Variants in TCOF1 observed in about 807,000 individuals in gnomAD.
The protein encoded by TCOF1 is treacle protein.
In TCOF1, 33 loss-of-function variants were observed where a neutral mutation model predicts 149.0. That is an observed-to-expected ratio of 0.22 (90% CI 0.17 to 0.30). The LOEUF (loss-of-function observed/expected upper bound fraction) is 0.30. Among genes scored for constraint, TCOF1 ranks in the 10% least tolerant of loss-of-function variants. The pLI is 1.00. For synonymous variants in TCOF1, 789 were observed against 738.8 expected (o/e 1.07, Z -1.10); for missense variants, 1,728 against 1,840.7 (o/e 0.94, Z 1.12).
chr5:150,387,206 C>T (rs1360963611), intron 17 of TCOF1, among the ~76,000 whole-genome samples: 3 of 152,234 alleles, frequency 2.0e-5, no homozygotes, highest in African/African-American at 4.8e-5. Context: ...GTCAGTGTCC[C>T]TATTTCCCTG....
At chr5:150,359,546 A>G (rs1167886216) in intron 1 of TCOF1, among the ~76,000 whole-genome samples, 2 of 152,148 alleles carry the variant, frequency 1.3e-5, no homozygotes, top group African/African-American at 2.4e-5. Flanking sequence ...CCTGTGGTGT[A>G]GGCTCTGCTC....
At chr5:150,383,773 C>T (rs1440555302) in intron 17 of TCOF1, 1 of 1,551,878 alleles carries the variant, frequency 6.4e-7, no homozygotes, top group Non-Finnish European at 8.7e-7. Flanking sequence ...GAGCTCTGCC[C>T]AGGACCCTCT....
At chr5:150,386,254 A>G (rs1325512691) in intron 17 of TCOF1, among the ~76,000 whole-genome samples, 2 of 152,168 alleles carry the variant, frequency 1.3e-5, no homozygotes, top group African/African-American at 2.4e-5. Context: ...GCTGCTTTTA[A>G]CATCCCAAGA....
chr5:150,375,079 G>C lies in TCOF1; in HGVS notation c.1404G>C (p.Val468=). Residue 468 remains valine (V), a synonymous_variant, in exon 10 of 27, where the codon GTG becomes GTC. Transcript: ENST00000643257. ...KTGPAAAQVQ[V]GKQEEDSRSS... The stretch of plus-strand genomic sequence containing the variant: ...GGCCTGCAGCCGCCCAGGTCCAGGT[G>C]GGGAAGCAGGAGGAGGACTCAAGAA... 2 of 1,614,164 alleles carry C rather than the reference G, an allele frequency of 1.2e-6. No homozygotes were observed.
chr5:150,368,993 G>A, intron 5 of TCOF1, 91 bp downstream of exon 5: 1 of 1,533,494 alleles, frequency 6.5e-7, no homozygotes, highest in Admixed American at 1.7e-5. Context: ...GGACATTTCT[G>A]GAATCAAAAG....
chr5:150,384,425 A>G, intron 17 of TCOF1: 1 of 985,424 alleles, frequency 1.0e-6, no homozygotes, highest in African/African-American at 1.7e-5. Flanking sequence ...CTGGTGTTTG[A>G]GCACAGGCCA....
chr5:150,385,089 C>T, intron 17 of TCOF1: 2 of 984,142 alleles, frequency 2.0e-6, no homozygotes, highest in African/African-American at 1.7e-5. Flanking sequence ...TGTTAAATAA[C>T]TTAATTTAGC....
intron 5 of TCOF1, among the ~76,000 whole-genome samples, chr5:150,369,189 G>A (rs1367281510): frequency 1.3e-5 from 2 of 152,200 alleles, no homozygotes; most frequent in Admixed American, 6.5e-5. Context: ...AAACTGAAAG[G>A]CCTGATTTGC....
Position 150,369,562 on chromosome 5 carries a change from G to A in TCOF1, c.599G>A (p.Ser200Asn). 6.2e-7 allele frequency: 1 copy of A among 1,614,164 alleles called. No individual in the cohort carries two copies. Among genetic ancestry groups the A allele is most frequent in the Admixed American group, 1.7e-5 (1 of 60,034 alleles). Residue 200 changes from serine (S) to asparagine (N), a missense_variant, in exon 6 of 27, where the codon AGC becomes AAC. Ser to Asn is a conservative substitution (Grantham distance 46). Around this residue, in one of 2 missense-constraint regions of TCOF1, gnomAD observed 1,696 missense variants for 1,765.4 expected, o/e 0.96. Coordinates refer to ENST00000643257, the MANE Select transcript of TCOF1 (RefSeq NM_001371623.1). Reference sequence around the variant, plus strand: ...TCAGCGGGCCAGGCCGACAGCTCCAGCGAGGACACCTCCAGCTCCAGTGAT... The same window carrying A: ...TCAGCGGGCCAGGCCGACAGCTCCAACGAGGACACCTCCAGCTCCAGTGAT... ...MVSAGQADSS[S>N]EDTSSSSDET...
intron 3 of TCOF1, among the ~76,000 whole-genome samples, chr5:150,365,335 C>A (rs1283966529): frequency 6.6e-6 from 1 of 150,964 alleles, no homozygotes; most frequent in Non-Finnish European, 1.5e-5. Context: ...CCACCTTGGC[C>A]TCCAAAAGGG....
At chr5:150,396,252 G>T in intron 23 of TCOF1, 30 bp from the exon 24 acceptor site, 2 of 1,613,436 alleles carry the variant, frequency 1.2e-6, no homozygotes, top group Non-Finnish European at 1.7e-6. Flanking sequence ...AACTCTCCCA[G>T]ATCTGTGACC....
intron 22 of TCOF1, chr5:150,393,053 AC>A: frequency 1.7e-6 from 1 of 594,466 alleles, no homozygotes; most frequent in Non-Finnish European, 3.0e-6. Flanking sequence ...TGATGTCCGG[AC>A]AAAAACATTC....
chr5:150,397,083 C>G (rs1330402134), intron 24 of TCOF1, among the ~76,000 whole-genome samples: 1 of 142,530 alleles, frequency 7.0e-6, no homozygotes, highest in Admixed American at 7.5e-5. Flanking sequence ...TGTTTGAACC[C>G]GGGAGGCAGA....
intron 10 of TCOF1, 27 bp downstream of exon 10, chr5:150,375,190 C>T: frequency 1.2e-6 from 2 of 1,612,866 alleles, no homozygotes; most frequent in Non-Finnish European, 1.7e-6. Flanking sequence ...CCCTGCATGG[C>T]CTGTGCCCTG....
chr5:150,380,166 C>T, intron 17 of TCOF1: 1 of 232,884 alleles, frequency 4.3e-6, no homozygotes, highest in South Asian at 5.5e-5. Context: ...CTTAAGGCTC[C>T]AGTTCCACCA....
chr5:150,384,021 C>CG, intron 17 of TCOF1: 1 of 1,374,054 alleles, frequency 7.3e-7, no homozygotes, highest in Non-Finnish European at 9.4e-7. Flanking sequence ...TTCTGCCAGG[C>CG]ACCTCAGAGC....
chr5:150,383,763 G>A (rs1327718682), intron 17 of TCOF1: 10 of 1,551,878 alleles, frequency 6.4e-6, no homozygotes, highest in Admixed American at 2.0e-5. Context: ...TGAATCCCAT[G>A]AGCTCTGCCC....
At chr5:150,392,681 C>T (rs2151047847) in intron 21 of TCOF1, 24 bp from the exon 22 acceptor site, 1 of 1,613,294 alleles carries the variant, frequency 6.2e-7, no homozygotes, top group South Asian at 1.1e-5. Context: ...CTGGGGCTAC[C>T]AACAGGATAC....
chr5:150,366,222 G>A (rs112604483), intron 3 of TCOF1, among the ~76,000 whole-genome samples: 24,205 of 151,998 alleles, frequency 0.16, 2,560 homozygotes, highest in Non-Finnish European at 0.23. Flanking sequence ...ATGGTGGCAT[G>A]CACTGGTGGT....
Sources: gnomAD v4.1 joint callset for allele counts (sites outside exome capture counted in the v4.1 genomes callset) on GRCh38, gnomAD v4.1.1 for gene constraint, gnomAD v4.1.1 regional missense constraint, MANE v1.5 for transcripts, NCBI Gene and HGNC (gene_info 2026-07-23, HGNC 2026-07-21) for gene names.